Variants in JHY observed in about 807,000 individuals in gnomAD.
The protein encoded by JHY is jhy protein homolog.
A neutral mutation model predicts 78.0 loss-of-function variants in JHY; 69 were observed. The observed-to-expected ratio is 0.88, with a 90% CI of 0.73 to 1.08. JHY has a LOEUF of 1.08. Ranked by LOEUF, JHY falls within the 50% of genes least tolerant of loss-of-function variation. The probability of loss-of-function intolerance (pLI) is 0.00; values close to 1 mark genes in which losing one functional copy is unlikely to be tolerated. For synonymous variants in JHY, 368 were observed against 342.6 expected (o/e 1.07, Z -0.82); for missense variants, 944 against 927.8 (o/e 1.02, Z -0.23).
rs1486358375 is a variant in JHY, at chr11:122,885,948, A to G, written c.99A>G (p.Glu33=). 17 of 1,614,080 alleles carry G rather than the reference A, an allele frequency of 1.1e-5. No individual in the cohort carries two copies. The highest frequency in any genetic ancestry group is 1.4e-5 in the Non-Finnish European group (16 of 1,180,032). Residue 33 remains glutamate (E), a synonymous_variant, in exon 2 of 9, where the codon GAA becomes GAG. Coordinates refer to ENST00000227349, the MANE Select transcript of JHY (RefSeq NM_024806.4). Reference sequence around the variant, plus strand: ...CCACACACCCACCTTTGAAGAAAGAAGACTTACATCGGATTTCAAAAGACT... The same window carrying G: ...CCACACACCCACCTTTGAAGAAAGAGGACTTACATCGGATTTCAAAAGACT... ...VQSTHPPLKK[E]DLHRISKDSL...
intron 3 of JHY, among the ~76,000 whole-genome samples, chr11:122,913,793 A>G (rs1863179968): frequency 1.3e-5 from 2 of 151,962 alleles, no homozygotes; most frequent in Non-Finnish European, 2.9e-5. Context: ...ATGACTGTCT[A>G]CTCCTTAAGA....
At chr11:122,943,621 TTA>T in intron 5 of JHY, among the ~76,000 whole-genome samples, 1 of 152,200 alleles carries the variant, frequency 6.6e-6, no homozygotes, top group Non-Finnish European at 1.5e-5. Context: ...TATTTTGAAC[TTA>T]TGTTATTAGG....
At chr11:122,906,991 A>G (rs1863007051) in intron 3 of JHY, among the ~76,000 whole-genome samples, 1 of 152,060 alleles carries the variant, frequency 6.6e-6, no homozygotes. Context: ...GATGACTCCT[A>G]TTATTTTTTT....
chr11:122,934,977 GTTTGTTTATCAC>G lies in JHY; in HGVS notation c.1537_1548del (p.Phe513_His516del). 1.2e-6 allele frequency: 2 copies of G among 1,613,980 alleles called. No individual in the cohort carries two copies. The highest frequency in any genetic ancestry group is 1.7e-6 in the Non-Finnish European group (2 of 1,179,958). On this transcript the variant is annotated inframe_deletion, in exon 5 of 9. Transcript: ENST00000227349. Reference sequence around the variant, plus strand: ...TGCTCCTGAGCCAGAAAGGCTCTCAGTTTGTTTATCACATAAATACTCATGGATCAACCAAAA... The same window carrying G: ...TGCTCCTGAGCCAGAAAGGCTCTCAGATAAATACTCATGGATCAACCAAAA...
At chr11:122,931,142 T>C (rs1322180951) in intron 4 of JHY, among the ~76,000 whole-genome samples, 4 of 152,192 alleles carry the variant, frequency 2.6e-5, no homozygotes, top group Admixed American at 2.6e-4. Context: ...CCTTGGGGGT[T>C]AGGATTTAAC....
intron 4 of JHY, among the ~76,000 whole-genome samples, chr11:122,928,529 G>A (rs1193556658): frequency 3.3e-5 from 5 of 150,138 alleles, no homozygotes; most frequent in Non-Finnish European, 5.9e-5. Context: ...CTGTGGATTA[G>A]GTGCCTGGCC....
intron 3 of JHY, among the ~76,000 whole-genome samples, chr11:122,913,116 T>C (rs1421032587): frequency 1.3e-5 from 2 of 152,036 alleles, no homozygotes; most frequent in Non-Finnish European, 2.9e-5. Flanking sequence ...GGCCATTCGA[T>C]GGTGAGACTC....
intron 5 of JHY, among the ~76,000 whole-genome samples, chr11:122,944,994 A>G (rs79344653): frequency 1.3e-5 from 2 of 152,052 alleles, no homozygotes; most frequent in East Asian, 3.8e-4. Flanking sequence ...AGACTCTTCT[A>G]TAATTCCTAA....
rs138923774 is a variant in JHY at position 122,917,396 on chromosome 11, C to T, written c.865-7501C>T. ...TATTTAGGTTAGAGAAATTGGCAGACGTCTTTCATGCAGTCCCTTGTATGT... is the reference window on the plus strand; with the variant it reads ...TATTTAGGTTAGAGAAATTGGCAGATGTCTTTCATGCAGTCCCTTGTATGT... On this transcript the variant is annotated intron_variant, in intron 3 of 8. Coordinates refer to ENST00000227349, the MANE Select transcript of JHY (RefSeq NM_024806.4). The surrounding 1 kb of genome is among the most constrained non-coding windows in gnomAD (Gnocchi z 4.1). Among the ~76,000 whole-genome samples the T allele has an allele frequency of 2.6e-3, 392 of 152,284 alleles. 3 individuals carry two copies. The highest frequency in any genetic ancestry group is 0.017 in the Admixed American group (257 of 15,298).
At chr11:122,928,450 A>G (rs1467762027) in intron 4 of JHY, among the ~76,000 whole-genome samples, 1 of 152,178 alleles carries the variant, frequency 6.6e-6, no homozygotes, top group Non-Finnish European at 1.5e-5. Flanking sequence ...CTAATGTGAA[A>G]TATCTTTGTG....
At chr11:122,912,041 C>T (rs1290279043) in intron 3 of JHY, among the ~76,000 whole-genome samples, 1 of 150,774 alleles carries the variant, frequency 6.6e-6, no homozygotes, top group Non-Finnish European at 1.5e-5. Context: ...AATCCCAGCA[C>T]TTTGGGAGGC....
At position 122,885,757 on chromosome 11, in the gene JHY, T is replaced by G; in HGVS notation, c.-89-4T>G. On this transcript the variant is annotated splice_region_variant and splice_polypyrimidine_tract_variant and intron_variant, in intron 1 of 8. Transcript: ENST00000227349. ...CAGAGTAACATAAATATATTTTTTT[T>G]CAGGTAACGCTTTTGTGAACCACAA... 1 of 935,602 alleles carries G rather than the reference T, an allele frequency of 1.1e-6. No individual in the cohort carries two copies. The highest frequency in any genetic ancestry group is 1.7e-5 in the South Asian group (1 of 58,682). 58.0% of individuals were successfully genotyped at this position (935,602 alleles called of 1,614,324 possible).
intron 6 of JHY, among the ~76,000 whole-genome samples, chr11:122,952,780 T>G (rs1442572532): frequency 2.0e-5 from 3 of 152,256 alleles, no homozygotes. Flanking sequence ...TCATCATCTT[T>G]GGACAAATTG....
intron 2 of JHY, among the ~76,000 whole-genome samples, chr11:122,897,962 C>G (rs1426138606): frequency 6.6e-6 from 1 of 152,162 alleles, no homozygotes; most frequent in African/African-American, 2.4e-5. Flanking sequence ...GATCATAGAA[C>G]AGTGGAGTTG....
intron 2 of JHY, among the ~76,000 whole-genome samples, chr11:122,889,468 T>A (rs1012528106): frequency 1.6e-4 from 25 of 152,178 alleles, no homozygotes; most frequent in African/African-American, 5.8e-4. Flanking sequence ...ACTATTTACA[T>A]GGTATTTACA....
In JHY at chr11:122,961,461, TCTC is replaced by T. The variant is rs1165508310; in HGVS notation, c.*2019_*2021del. 6.6e-6 allele frequency among the ~76,000 whole-genome samples: 1 copy of T among 152,056 alleles called. No homozygotes were observed. The highest frequency in any genetic ancestry group is 1.5e-5 in the Non-Finnish European group (1 of 68,030). On this transcript the variant is annotated 3_prime_UTR_variant, in exon 9 of 9. Coordinates refer to ENST00000227349, the MANE Select transcript of JHY (RefSeq NM_024806.4). ...CTGTCTCAGCCTCCCTTCAAGCAAT[TCTC>T]CTGTCTCAGCCTCCCGAGTAGCCGA...
Position 122,917,720 on chromosome 11 carries a change from GT to G in JHY, c.865-7172del, listed in dbSNP as rs1400694510. 2.0e-5 allele frequency among the ~76,000 whole-genome samples: 3 copies of G among 151,962 alleles called. No individual in the cohort carries two copies. The highest frequency in any genetic ancestry group is 7.2e-5 in the African/African-American group (3 of 41,388). On this transcript the variant is annotated intron_variant, in intron 3 of 8. Coordinates refer to ENST00000227349, the MANE Select transcript of JHY (RefSeq NM_024806.4). This position sits in a 1 kb window ranked among gnomAD's most constrained non-coding sequence, Gnocchi z 4.1. ...AATGTGTGAGCTTTGTGATTTTTTTGTTTTTATCTCTAATGTGTCCATTCAG... is the reference window on the plus strand; with the variant it reads ...AATGTGTGAGCTTTGTGATTTTTTTGTTTTATCTCTAATGTGTCCATTCAG...
At chr11:122,922,809 CAAAA>C (rs571482464) in intron 3 of JHY, among the ~76,000 whole-genome samples, 119 of 44,336 alleles carry the variant, frequency 2.7e-3, no homozygotes, top group Middle Eastern at 0.027. Context: ...GACTCCGTCT[CAAAA>C]AAAAAAAAAA....
intron 2 of JHY, among the ~76,000 whole-genome samples, chr11:122,897,309 C>T (rs1862759131): frequency 6.6e-6 from 1 of 151,458 alleles, no homozygotes; most frequent in South Asian, 2.1e-4. Flanking sequence ...ACTGAAGTTT[C>T]GACCTCCTGG....
Sources: allele counts gnomAD v4.1 joint callset (sites outside exome capture counted in the v4.1 genomes callset), GRCh38; gene constraint gnomAD v4.1.1; non-coding constraint Gnocchi (gnomAD v3.1); transcripts MANE v1.5; gene names NCBI Gene and HGNC (gene_info 2026-07-23, HGNC 2026-07-21).